Variants in COX4I1 observed in about 807,000 individuals in gnomAD.
COX4I1 encodes cytochrome c oxidase subunit 4I1.
Under a neutral mutation model 21.7 loss-of-function variants are expected in COX4I1, and 18 were observed. The ratio of observed to expected loss-of-function variants is 0.83; its 90% confidence interval spans 0.57 to 1.23. COX4I1 has a LOEUF of 1.23. COX4I1 is among the 50% of genes most tolerant of loss of function. The pLI is 0.00. For synonymous variants in COX4I1, 100 were observed against 81.5 expected (o/e 1.23, Z -1.23); for missense variants, 238 against 220.7 (o/e 1.08, Z -0.50).
At chr16:85,802,076 G>C (rs2152081947) in intron 2 of COX4I1, among the ~76,000 whole-genome samples, 1 of 152,204 alleles carries the variant, frequency 6.6e-6, no homozygotes, top group Non-Finnish European at 1.5e-5. Context: ...AGCTGGTCTT[G>C]CCTGCCTTTC....
At chr16:85,805,176 A>G (rs564352962) in intron 3 of COX4I1, 72 bp downstream of exon 3, 1 of 1,436,406 alleles carries the variant, frequency 7.0e-7, no homozygotes, top group South Asian at 1.4e-5. Flanking sequence ...GCCTCTGCTC[A>G]CTTCTGGGCC....
At chr16:85,804,844 G>A in intron 2 of COX4I1, 93 bp from the exon 3 acceptor site, 1 of 1,148,446 alleles carries the variant, frequency 8.7e-7, no homozygotes. Flanking sequence ...TTCAAGGCGT[G>A]CACATGTCTG....
intron 3 of COX4I1, 78 bp from the exon 4 acceptor site, chr16:85,805,655 G>C (rs1175122924): frequency 2.5e-6 from 4 of 1,590,954 alleles, no homozygotes; most frequent in Non-Finnish European, 3.4e-6. Context: ...TGTGGTTTTG[G>C]GGAGAAGTGG....
rs764402410 is a variant in COX4I1, at chr16:85,801,217, C to G, written c.12C>G (p.Thr4=). 6.2e-7 allele frequency: 1 copy of G among 1,607,836 alleles called. No individual in the cohort carries two copies. MLA[T]RVFSLVGKRA... The stretch of plus-strand genomic sequence containing the variant: ...TTTTATCTTTCAGAATGTTGGCTAC[C>G]AGGGTATTTAGCCTAGTTGGCAAGC... The change falls in exon 2 of 5, where the codon ACC becomes ACG. Residue 4 remains threonine, a synonymous_variant. Transcript: ENST00000253452.
intron 2 of COX4I1, chr16:85,803,745 G>A (rs1478423759): frequency 6.6e-6 from 1 of 152,220 alleles, no homozygotes; most frequent in Non-Finnish European, 1.5e-5. Context: ...TTACGCGTAT[G>A]TGAGTATGTG....
rs751801715 is a variant in COX4I1 at position 85,801,219 on chromosome 16, G to A, written c.14G>A (p.Arg5Lys). Residue 5 changes from arginine (R) to lysine (K), a missense_variant, in exon 2 of 5, where the codon AGG (arginine) becomes AAG (lysine). Physicochemically the swap from Arg to Lys is conservative, Grantham distance 26 (BLOSUM62 2). Transcript: ENST00000253452. ...TTATCTTTCAGAATGTTGGCTACCA[G>A]GGTATTTAGCCTAGTTGGCAAGCGA... Reference protein sequence around the residue: MLATRVFSLVGKRAI... With the variant: MLATKVFSLVGKRAI... 5 of 1,608,498 alleles carry A rather than the reference G, an allele frequency of 3.1e-6. No homozygotes were observed. In the Admixed American group the frequency reaches 6.7e-5, roughly 21 times the overall value.
At chr16:85,804,261 T>G (rs1167545702) in intron 2 of COX4I1, 1 of 152,284 alleles carries the variant, frequency 6.6e-6, no homozygotes, top group Non-Finnish European at 1.5e-5. Flanking sequence ...TCCTCATTAG[T>G]TTGAGTCCCT....
chr16:85,800,805 G>A (rs1455390626), intron 1 of COX4I1, among the ~76,000 whole-genome samples: 2 of 152,102 alleles, frequency 1.3e-5, no homozygotes, highest in Non-Finnish European at 2.9e-5. Context: ...TGTATTGTTA[G>A]TAGAGACGGG....
At chr16:85,800,044 G>T (rs1450369125) in intron 1 of COX4I1, among the ~76,000 whole-genome samples, 1 of 150,948 alleles carries the variant, frequency 6.6e-6, no homozygotes, top group Non-Finnish European at 1.5e-5. Flanking sequence ...CTCAGGCTGC[G>T]GGGAGGCGGG....
intron 1 of COX4I1, among the ~76,000 whole-genome samples, chr16:85,800,382 C>T (rs1379457549): frequency 6.6e-6 from 1 of 152,212 alleles, no homozygotes; most frequent in Non-Finnish European, 1.5e-5. Flanking sequence ...CATAGGTTTT[C>T]CGCTCTCCTC....
intron 2 of COX4I1, 68 bp downstream of exon 2, chr16:85,801,346 G>A: frequency 7.1e-7 from 1 of 1,400,474 alleles, no homozygotes; most frequent in Non-Finnish European, 1.0e-6. Flanking sequence ...TGTGTATAAA[G>A]CCCTGTGCTG....
At chr16:85,801,378 G>T in intron 2 of COX4I1, 100 bp downstream of exon 2, 1 of 933,480 alleles carries the variant, frequency 1.1e-6, no homozygotes, top group East Asian at 2.4e-5. Context: ...ACCTTAATTC[G>T]GCTCTTGAGG....
chr16:85,806,409 A>G (rs1906203663), intron 4 of COX4I1: 2 of 619,666 alleles, frequency 3.2e-6, no homozygotes, highest in Non-Finnish European at 5.7e-6. Context: ...TTTGGTTTGA[A>G]TGTGGATGTG....
chr16:85,802,822 AC>A (rs1905876548), intron 2 of COX4I1, among the ~76,000 whole-genome samples: 1 of 152,124 alleles, frequency 6.6e-6, no homozygotes, highest in South Asian at 2.1e-4. Flanking sequence ...GCTCTGAAGA[AC>A]CCCTGAAACC....
intron 1 of COX4I1, among the ~76,000 whole-genome samples, chr16:85,800,550 G>A (rs1414810740): frequency 6.6e-6 from 1 of 152,214 alleles, no homozygotes; most frequent in Non-Finnish European, 1.5e-5. Context: ...CCTGAAGAAT[G>A]GAGTCTGTCA....
intron 3 of COX4I1, chr16:85,805,365 G>A (rs1906108621): frequency 1.9e-6 from 1 of 524,830 alleles, no homozygotes; most frequent in African/African-American, 1.9e-5. Context: ...TGCTGGGTAA[G>A]ACATAGTTAA....
intron 2 of COX4I1, 61 bp downstream of exon 2, chr16:85,801,339 G>A (rs1597215179): frequency 1.4e-6 from 2 of 1,453,924 alleles, no homozygotes. Flanking sequence ...CTCCTGCTGT[G>A]TATAAAGCCC....
Position 85,804,940 on chromosome 16 carries a change from GTGT to G in COX4I1, c.81_83del (p.Val28del). On this transcript the variant is annotated inframe_deletion, in exon 3 of 5. Transcript: ENST00000253452. The stretch of plus-strand genomic sequence containing the variant: ...ATTTATTCAATATGTTTTTCAGAAA[GTGT>G]TGTGAAGAGCGAAGACTTTTCGCTC... 1 of 1,604,520 alleles carries G rather than the reference GTGT, an allele frequency of 6.2e-7. No homozygotes were observed. Among genetic ancestry groups the G allele is most frequent in the Middle Eastern group, 1.7e-4 (1 of 5,944 alleles).
chr16:85,806,394 G>C (rs954082912), intron 4 of COX4I1: 11 of 685,668 alleles, frequency 1.6e-5, no homozygotes, highest in Non-Finnish European at 2.4e-5. Flanking sequence ...GTATATTCTC[G>C]TACTTTTGGT....
Sources: allele counts gnomAD v4.1 joint callset (sites outside exome capture counted in the v4.1 genomes callset), GRCh38; gene constraint gnomAD v4.1.1; transcripts MANE v1.5; gene names NCBI Gene and HGNC (gene_info 2026-07-23, HGNC 2026-07-21).